Variants in RUFY3 observed in about 807,000 individuals in gnomAD.
The protein encoded by RUFY3 is RUN and FYVE domain containing 3.
Under a neutral mutation model 84.0 loss-of-function variants are expected in RUFY3, and 34 were observed. The observed-to-expected ratio is 0.40, with a 90% CI of 0.31 to 0.54. The LOEUF (loss-of-function observed/expected upper bound fraction) is 0.54, where lower values mean the gene tolerates loss of function less well. Among genes scored for constraint, RUFY3 ranks in the 20% least tolerant of loss-of-function variants. The pLI is 0.39. For synonymous variants in RUFY3, 242 were observed against 252.9 expected, an observed-to-expected ratio of 0.96 and a Z score of 0.41; for missense variants, 507 against 736.8, an observed-to-expected ratio of 0.69 and a Z score of 3.61.
At chr4:70,727,911 C>A (rs1254817334) in intron 1 of RUFY3, among the ~76,000 whole-genome samples, 1 of 151,856 alleles carries the variant, frequency 6.6e-6, no homozygotes, top group Non-Finnish European at 1.5e-5. Context: ...AACAACAAAA[C>A]CAACTATAGC....
chr4:70,735,529 G>A (rs558207794), intron 1 of RUFY3, among the ~76,000 whole-genome samples: 1 of 152,100 alleles, frequency 6.6e-6, no homozygotes, highest in East Asian at 1.9e-4. Flanking sequence ...ATGTCAGTGT[G>A]TTGAAAATAG....
rs1283980266 is a variant in RUFY3 at position 70,807,573 on chromosome 4, G to A, written c.*914G>A. Reference sequence around the variant, plus strand: ...TCTTGCTCTGTTGCACAAGCTGGAGGGCAGTAGTGCAATCACAGCTCACTG... The same window carrying A: ...TCTTGCTCTGTTGCACAAGCTGGAGAGCAGTAGTGCAATCACAGCTCACTG... On this transcript the variant is annotated 3_prime_UTR_variant, in exon 18 of 18. Coordinates refer to ENST00000381006, the MANE Select transcript of RUFY3 (RefSeq NM_001037442.4). Among the ~76,000 whole-genome samples, 1 of 152,060 alleles carries A rather than the reference G, an allele frequency of 6.6e-6. No individual in the cohort carries two copies. Among genetic ancestry groups the A allele is most frequent in the Non-Finnish European group, 1.5e-5 (1 of 68,016 alleles).
chr4:70,771,099 T>C (rs1726876148), intron 5 of RUFY3, among the ~76,000 whole-genome samples: 1 of 152,182 alleles, frequency 6.6e-6, no homozygotes, highest in Non-Finnish European at 1.5e-5. Flanking sequence ...CAAAGATCAC[T>C]GATTACAGGT....
At chr4:70,709,239 G>A (rs79580659) in intron 1 of RUFY3, among the ~76,000 whole-genome samples, 12,880 of 152,124 alleles carry the variant, frequency 0.085, 1,282 homozygotes, top group East Asian at 0.23. Flanking sequence ...TTTGAGTGCT[G>A]GTAATCTGCT....
intron 1 of RUFY3, among the ~76,000 whole-genome samples, chr4:70,710,502 C>T (rs528437396): frequency 1.3e-5 from 2 of 151,518 alleles, no homozygotes; most frequent in Admixed American, 6.6e-5. Flanking sequence ...GAAACCCTGT[C>T]TCTACTAAAA....
chr4:70,791,258 A>C (rs201981164), intron 12 of RUFY3: 133 of 1,613,558 alleles, frequency 8.2e-5, no homozygotes, highest in Non-Finnish European at 1.7e-6. Flanking sequence ...CAAAGACCTT[A>C]AATAGTGCAG....
At chr4:70,732,679 T>G (rs896788559) in intron 1 of RUFY3, among the ~76,000 whole-genome samples, 3 of 151,980 alleles carry the variant, frequency 2.0e-5, no homozygotes, top group Non-Finnish European at 4.4e-5. Context: ...ACACCGCATG[T>G]TCTCACTCAT....
chr4:70,709,228 CT>C (rs1289951118), intron 1 of RUFY3, among the ~76,000 whole-genome samples: 5 of 152,152 alleles, frequency 3.3e-5, no homozygotes, highest in Non-Finnish European at 7.3e-5. Flanking sequence ...CTTTCTGAGT[CT>C]TTGAGTGCTG....
chr4:70,741,025 C>T (rs1012600630), intron 1 of RUFY3, among the ~76,000 whole-genome samples: 9 of 152,058 alleles, frequency 5.9e-5, no homozygotes, highest in Non-Finnish European at 1.2e-4. Context: ...TCAGATCCTG[C>T]TAGTTCTGTA....
intron 1 of RUFY3, among the ~76,000 whole-genome samples, chr4:70,708,909 T>C: frequency 6.6e-6 from 1 of 152,058 alleles, no homozygotes; most frequent in Non-Finnish European, 1.5e-5. Context: ...TAAAAATAAG[T>C]TAGCTGGGTA....
intron 4 of RUFY3, 59 bp from the exon 5 acceptor site, chr4:70,768,479 T>C: frequency 6.4e-7 from 1 of 1,573,502 alleles, no homozygotes; most frequent in Middle Eastern, 2.0e-4. Context: ...TTTTTGTCCT[T>C]GTCTCTGGAT....
At chr4:70,786,518 T>C (rs940462171) in intron 10 of RUFY3, among the ~76,000 whole-genome samples, 1 of 152,146 alleles carries the variant, frequency 6.6e-6, no homozygotes, top group Admixed American at 6.5e-5. Context: ...TAAATATTTG[T>C]CTTTTCTTTA....
intron 1 of RUFY3, among the ~76,000 whole-genome samples, chr4:70,713,672 C>T (rs1425888196): frequency 2.0e-5 from 3 of 152,142 alleles, no homozygotes; most frequent in Non-Finnish European, 1.5e-5. Context: ...TGTAGCATGT[C>T]GCCTTTTAGA....
upstream of RUFY3, among the ~76,000 whole-genome samples, chr4:70,720,933 GTA>G (rs1742205885): frequency 1.4e-5 from 2 of 140,916 alleles, no homozygotes; most frequent in African/African-American, 5.6e-5. Flanking sequence ...GTGTGTGTGT[GTA>G]TTAAGAAAAT....
rs974352543 is a variant in RUFY3 at position 70,807,512 on chromosome 4, A to C, written c.*853A>C. ...TTGATTAAAGCAAAGTCAAATATAG[A>C]GTAAAATAAGTTTAATTTGTTTTCT... On this transcript the variant is annotated 3_prime_UTR_variant, in exon 18 of 18. Coordinates refer to ENST00000381006, the MANE Select transcript of RUFY3 (RefSeq NM_001037442.4). Among the ~76,000 whole-genome samples the C allele has an allele frequency of 1.3e-5, 2 of 152,184 alleles. No individual in the cohort carries two copies. Among genetic ancestry groups the C allele is most frequent in the Non-Finnish European group, 2.9e-5 (2 of 68,042 alleles).
chr4:70,804,302 T>C, intron 16 of RUFY3, 46 bp from the exon 17 acceptor site: 1 of 1,494,120 alleles, frequency 6.7e-7, no homozygotes, highest in Non-Finnish European at 9.3e-7. Flanking sequence ...AAAGTACTAA[T>C]ATTTCTGGCA....
At chr4:70,732,612 A>G (rs1417980580) in intron 1 of RUFY3, among the ~76,000 whole-genome samples, 2 of 152,178 alleles carry the variant, frequency 1.3e-5, no homozygotes, top group African/African-American at 2.4e-5. Flanking sequence ...TTGCAAGGAC[A>G]TGGATGAAGC....
intron 5 of RUFY3, among the ~76,000 whole-genome samples, chr4:70,769,673 C>T (rs1360843485): frequency 6.6e-6 from 1 of 152,176 alleles, no homozygotes; most frequent in African/African-American, 2.4e-5. Context: ...CAGCATTTTA[C>T]CCACAGTAGA....
At chr4:70,795,307 A>G (rs1731363531) in intron 14 of RUFY3, among the ~76,000 whole-genome samples, 1 of 152,184 alleles carries the variant, frequency 6.6e-6, no homozygotes, top group African/African-American at 2.4e-5. Context: ...GCTTCTGTAT[A>G]CCTTTTTCAA....
Sources: allele counts gnomAD v4.1 joint callset (sites outside exome capture counted in the v4.1 genomes callset), GRCh38; gene constraint gnomAD v4.1.1; transcripts MANE v1.5; gene names NCBI Gene and HGNC (gene_info 2026-07-23, HGNC 2026-07-21).